Variants in SKIC3 observed in about 807,000 individuals in gnomAD.
SKIC3 encodes the protein SKI3 subunit of superkiller complex, also known as superkiller complex protein 3.
At chr5:95,537,129 A>C in the SKIC3 span, 1 of 1,613,356 alleles carries the variant, frequency 6.2e-7, no homozygotes, top group East Asian at 2.2e-5. Flanking sequence ...GCATTCTCAA[A>C]AGCAGTAAAA....
chr5:95,512,153 A>C, the SKIC3 span, among the ~76,000 whole-genome samples: 1 of 152,184 alleles, frequency 6.6e-6, no homozygotes, highest in Admixed American at 6.5e-5. Flanking sequence ...CTAAGACTGC[A>C]GAGAAAGTTA....
chr5:95,543,014 C>A, the SKIC3 span, among the ~76,000 whole-genome samples: 3 of 151,964 alleles, frequency 2.0e-5, no homozygotes, highest in African/African-American at 7.3e-5. Flanking sequence ...TCCTTTGCAC[C>A]ACTTTTTTTC....
chr5:95,517,773 C>T, the SKIC3 span, among the ~76,000 whole-genome samples: 1 of 152,108 alleles, frequency 6.6e-6, no homozygotes, highest in Non-Finnish European at 1.5e-5. Flanking sequence ...TTGACTACAT[C>T]CCCACAAAGC....
the SKIC3 span, among the ~76,000 whole-genome samples, chr5:95,529,703 C>A: frequency 6.6e-6 from 1 of 152,112 alleles, no homozygotes; most frequent in Non-Finnish European, 1.5e-5. Context: ...CCAGAAACAT[C>A]ATACCTAGTA....
At chr5:95,502,796 A>G in the SKIC3 span, 4 of 1,578,972 alleles carry the variant, frequency 2.5e-6, no homozygotes, top group East Asian at 2.2e-5. Flanking sequence ...TTCCTAAAAC[A>G]TGAAGAACTT....
At chr5:95,488,955 G>A in the SKIC3 span, among the ~76,000 whole-genome samples, 7 of 152,168 alleles carry the variant, frequency 4.6e-5, no homozygotes, top group African/African-American at 1.7e-4. Flanking sequence ...AAAATATATG[G>A]ATTAGCTGAA....
chr5:95,500,596 C>A, the SKIC3 span, among the ~76,000 whole-genome samples: 3 of 152,214 alleles, frequency 2.0e-5, no homozygotes, highest in East Asian at 5.8e-4. Flanking sequence ...AACGGCATAA[C>A]CATTTTACGT....
At chr5:95,536,226 T>C in the SKIC3 span, among the ~76,000 whole-genome samples, 1 of 152,232 alleles carries the variant, frequency 6.6e-6, no homozygotes, top group African/African-American at 2.4e-5. Flanking sequence ...CCCATTTGAA[T>C]ATGCTCTATT....
At chr5:95,516,783 T>A in the SKIC3 span, 23 of 1,605,684 alleles carry the variant, frequency 1.4e-5, 1 homozygote, top group South Asian at 2.3e-4. Context: ...TAATTTTTAT[T>A]TCTTGGAATA....
the SKIC3 span, chr5:95,547,209 T>C: frequency 1.3e-6 from 2 of 1,508,094 alleles, no homozygotes; most frequent in African/African-American, 2.7e-5. Context: ...TCGTAAATGT[T>C]CCAACAAACT....
At chr5:95,503,167 C>T in the SKIC3 span, among the ~76,000 whole-genome samples, 3 of 152,172 alleles carry the variant, frequency 2.0e-5, no homozygotes, top group African/African-American at 7.2e-5. Context: ...AATAATCTAA[C>T]TTGTTTTCAC....
At chr5:95,523,834 C>G in the SKIC3 span, 1 of 1,612,316 alleles carries the variant, frequency 6.2e-7, no homozygotes, top group South Asian at 1.1e-5. Context: ...AGTCTTGCAG[C>G]CTTTGAAATA....
the SKIC3 span, chr5:95,554,891 G>T: frequency 5.6e-6 from 1 of 177,726 alleles, no homozygotes. Flanking sequence ...CATTTCAATC[G>T]CCTTTAGGAT....
chr5:95,540,364 G>A, the SKIC3 span, among the ~76,000 whole-genome samples: 1 of 151,910 alleles, frequency 6.6e-6, no homozygotes, highest in South Asian at 2.1e-4. Context: ...ACACTACTCG[G>A]GTGATGGGTG....
At chr5:95,534,341 A>G in the SKIC3 span, among the ~76,000 whole-genome samples, 1 of 151,864 alleles carries the variant, frequency 6.6e-6, no homozygotes, top group Admixed American at 6.6e-5. Flanking sequence ...TTCTTCTTAC[A>G]CCACTCCTGC....
the SKIC3 span, among the ~76,000 whole-genome samples, chr5:95,537,980 A>C: frequency 2.0e-5 from 3 of 152,188 alleles, no homozygotes; most frequent in Admixed American, 6.5e-5. Context: ...TCTAGCATAA[A>C]AGATTTTTAA....
the SKIC3 span, among the ~76,000 whole-genome samples, chr5:95,545,491 GC>G: frequency 1.6e-4 from 24 of 152,238 alleles, no homozygotes; most frequent in Admixed American, 5.9e-4. Context: ...ATCTGGGTCA[GC>G]CAAGTTCCTT....
chr5:95,479,614 T>C, the SKIC3 span, among the ~76,000 whole-genome samples: 2 of 152,034 alleles, frequency 1.3e-5, no homozygotes, highest in Admixed American at 6.6e-5. Flanking sequence ...TAATCTCTTA[T>C]TGTGCCTAAT....
chr5:95,537,085 A>G, the SKIC3 span: 1 of 1,613,686 alleles, frequency 6.2e-7, no homozygotes, highest in Non-Finnish European at 8.5e-7. Context: ...GTACTTGGTG[A>G]TCTTCACTAG....
Sources: allele counts gnomAD v4.1 joint callset (sites outside exome capture counted in the v4.1 genomes callset), GRCh38; gene constraint gnomAD v4.1.1; transcripts MANE v1.5; gene names NCBI Gene and HGNC (gene_info 2026-07-23, HGNC 2026-07-21).